Variants in SNX18 observed in about 807,000 individuals in gnomAD.
SNX18 encodes the protein sorting nexin-18.
A neutral mutation model predicts 48.7 loss-of-function variants in SNX18; 35 were observed. That is an observed-to-expected ratio of 0.72 (90% CI 0.55 to 0.95). The LOEUF is 0.95. Among genes scored for constraint, SNX18 ranks in the 40% least tolerant of loss-of-function variants. The probability of loss-of-function intolerance (pLI) is 0.00; values close to 1 mark genes in which losing one functional copy is unlikely to be tolerated. For missense variants in SNX18, 824 were observed against 871.0 expected (o/e 0.95, Z 0.68); for synonymous variants, 492 against 384.7 (o/e 1.28, Z -3.26).
rs1762519396 is a variant in SNX18, at chr5:54,543,942, T to C, written c.*510T>C. 1 of 150,408 alleles carries C rather than the reference T, an allele frequency of 6.6e-6. No individual in the cohort carries two copies. Among genetic ancestry groups the C allele is most frequent in the Non-Finnish European group, 1.5e-5 (1 of 68,030 alleles). 9.3% of individuals were successfully genotyped at this position (150,408 alleles called of 1,614,324 possible). On this transcript the variant is annotated 3_prime_UTR_variant, in exon 2 of 2. Transcript: ENST00000381410. ...TTCTCCCCGTCCCTTCCCCACCTTT[T>C]TAAAGTAAGCCACAGCTTTTCTGAT...
Position 54,545,311 on chromosome 5 carries a change from A to G in SNX18, c.*1879A>G, listed in dbSNP as rs1047958508. On this transcript the variant is annotated 3_prime_UTR_variant, in exon 2 of 2. Transcript: ENST00000381410. Reference sequence around the variant, plus strand: ...GCGGAAGTCTGGAAATTATAACTATAGCATTTAAGTTTGAGTCTGTATTGG... The same window carrying G: ...GCGGAAGTCTGGAAATTATAACTATGGCATTTAAGTTTGAGTCTGTATTGG... 9.9e-5 allele frequency: 15 copies of G among 152,198 alleles called. No homozygotes were observed. Among genetic ancestry groups the G allele is most frequent in the African/African-American group, 3.6e-4 (15 of 41,460 alleles). 9.4% of individuals were successfully genotyped at this position (152,198 alleles called of 1,614,324 possible).
the SNX18 span, among the ~76,000 whole-genome samples, chr5:54,563,663 T>G: frequency 6.6e-6 from 1 of 152,278 alleles, no homozygotes; most frequent in South Asian, 2.1e-4. Context: ...CACCTGATGC[T>G]CCACCTTTCT....
the SNX18 span, among the ~76,000 whole-genome samples, chr5:54,640,316 CG>C: frequency 1.3e-5 from 2 of 151,880 alleles, no homozygotes; most frequent in Non-Finnish European, 2.9e-5. Flanking sequence ...CAGGCTCAAG[CG>C]ACTTTCCTGC....
chr5:54,518,354 G>T lies in SNX18; in HGVS notation c.402G>T (p.Gln134His). 1 of 1,537,654 alleles carries T rather than the reference G, an allele frequency of 6.5e-7. No individual in the cohort carries two copies. Among genetic ancestry groups the T allele is most frequent in the Non-Finnish European group, 8.7e-7 (1 of 1,144,632 alleles). The stretch of plus-strand genomic sequence containing the variant: ...TCCCGTACGGCGGGGGCGCCCTGCA[G>T]CCGTCGCCTCAGCAGCTCTACGGCG... ...AGFPYGGGAL[Q>H]PSPQQLYGGY... Residue 134 changes from glutamine to histidine, a missense_variant, in exon 1 of 2, where the codon CAG becomes CAT. Gln to His is a conservative substitution (Grantham distance 24). Transcript: ENST00000381410.
At chr5:54,520,070 A>G (rs1055311661) in intron 1 of SNX18, 55 of 440,758 alleles carry the variant, frequency 1.2e-4, no homozygotes, top group Non-Finnish European at 1.8e-4. Flanking sequence ...ATTAAGATCA[A>G]TTCTCTGAGT....
rs778891755 is a variant in SNX18 at position 54,519,232 on chromosome 5, A to G, written c.1280A>G (p.Lys427Arg). 15 of 1,614,146 alleles carry G rather than the reference A, an allele frequency of 9.3e-6. No homozygotes were observed. Among genetic ancestry groups the G allele is most frequent in the Admixed American group, 1.7e-5 (1 of 60,022 alleles). ...CTTGACCTGCAGGAGGTGGAGAGCA[A>G]GATCGACGGCTTCAAGTGCTTCACC... Reference protein sequence around the residue: ...AALDLQEVESKIDGFKCFTKK... With the variant: ...AALDLQEVESRIDGFKCFTKK... The change falls in exon 1 of 2, where the codon AAG becomes AGG. Residue 427 changes from lysine to arginine, a missense_variant. By Grantham distance (26) the Lys-to-Arg change is conservative. Transcript: ENST00000381410.
the SNX18 span, among the ~76,000 whole-genome samples, chr5:54,562,355 T>C: frequency 6.6e-6 from 1 of 152,186 alleles, no homozygotes; most frequent in African/African-American, 2.4e-5. Context: ...TGGTTAGATT[T>C]AAATATTCCT....
chr5:54,521,864 G>A (rs561800242), intron 1 of SNX18, among the ~76,000 whole-genome samples: 12 of 152,142 alleles, frequency 7.9e-5, no homozygotes, highest in African/African-American at 1.9e-4. Flanking sequence ...CACCATGCCC[G>A]GCCTAGTTTA....
the SNX18 span, among the ~76,000 whole-genome samples, chr5:54,595,948 G>A: frequency 2.0e-5 from 3 of 152,054 alleles, no homozygotes; most frequent in African/African-American, 7.2e-5. Context: ...CTCTGTGCCT[G>A]TCTCTCCCCT....
At chr5:54,645,230 G>A in the SNX18 span, 1 of 152,194 alleles carries the variant, frequency 6.6e-6, no homozygotes, top group Non-Finnish European at 1.5e-5. Context: ...TACAAAGAAA[G>A]AAAGCATTCA....
At chr5:54,592,273 T>C in the SNX18 span, among the ~76,000 whole-genome samples, 2 of 151,920 alleles carry the variant, frequency 1.3e-5, no homozygotes, top group African/African-American at 4.8e-5. Flanking sequence ...AACCTTCCCT[T>C]CTTTTCTTCA....
chr5:54,635,094 T>C, the SNX18 span, among the ~76,000 whole-genome samples: 3 of 151,796 alleles, frequency 2.0e-5, no homozygotes, highest in Non-Finnish European at 4.4e-5. Flanking sequence ...AGAATACATA[T>C]TTCAAAATGT....
chr5:54,580,441 CTT>C, the SNX18 span, among the ~76,000 whole-genome samples: 1 of 152,086 alleles, frequency 6.6e-6, no homozygotes, highest in Non-Finnish European at 1.5e-5. Context: ...TTATGGTTCA[CTT>C]TTATTATTTT....
chr5:54,564,834 G>A, the SNX18 span, among the ~76,000 whole-genome samples: 1 of 152,238 alleles, frequency 6.6e-6, no homozygotes, highest in African/African-American at 2.4e-5. Context: ...CTCCAGCCTA[G>A]GCAACAGAGA....
chr5:54,625,604 A>G, the SNX18 span, among the ~76,000 whole-genome samples: 2 of 152,104 alleles, frequency 1.3e-5, no homozygotes, highest in African/African-American at 4.8e-5. Flanking sequence ...GTGGCATCCC[A>G]TTGCTTTTGC....
chr5:54,638,908 C>T, the SNX18 span, among the ~76,000 whole-genome samples: 1 of 152,130 alleles, frequency 6.6e-6, no homozygotes, highest in Non-Finnish European at 1.5e-5. Context: ...AGGTGGGACC[C>T]TTCCCACCTC....
At chr5:54,530,943 A>G (rs1167744856) in intron 1 of SNX18, among the ~76,000 whole-genome samples, 2 of 151,396 alleles carry the variant, frequency 1.3e-5, no homozygotes, top group Non-Finnish European at 2.9e-5. Context: ...AGTAGAGACG[A>G]GGTTTCATCA....
At chr5:54,567,795 C>T in the SNX18 span, among the ~76,000 whole-genome samples, 2 of 152,174 alleles carry the variant, frequency 1.3e-5, no homozygotes, top group Non-Finnish European at 2.9e-5. Context: ...CTCACCTCGA[C>T]CCAGCATTGC....
the SNX18 span, among the ~76,000 whole-genome samples, chr5:54,588,303 A>ATTGTT: frequency 1.0e-5 from 1 of 100,392 alleles, no homozygotes; most frequent in East Asian, 3.1e-4. Flanking sequence ...TGTTATTTCT[A>ATTGTT]TTCTTTTTTT....
Sources: allele counts gnomAD v4.1 joint callset (sites outside exome capture counted in the v4.1 genomes callset), GRCh38; gene constraint gnomAD v4.1.1; transcripts MANE v1.5; gene names NCBI Gene and HGNC (gene_info 2026-07-23, HGNC 2026-07-21).